ERC1: variants seen among roughly 807,000 people sequenced by gnomAD.
ERC1 encodes the protein ELKS/RAB6-interacting/CAST family member 1, also known as RAB6 interacting protein 2.
A neutral mutation model predicts 132.0 loss-of-function variants in ERC1; 56 were observed. That is an observed-to-expected ratio of 0.42 (90% CI 0.34 to 0.53). ERC1 has a LOEUF of 0.53. Ranked by LOEUF, ERC1 falls within the 20% of genes least tolerant of loss-of-function variation. ERC1 has a pLI of 0.03. For missense variants in ERC1, 1,202 were observed against 1,349.9 expected (o/e 0.89, Z 1.72); for synonymous variants, 478 against 476.1 (o/e 1.00, Z -0.05).
intron 7 of ERC1, among the ~76,000 whole-genome samples, chr12:1,137,556 G>A (rs938050859): frequency 6.6e-6 from 1 of 151,938 alleles, no homozygotes; most frequent in African/African-American, 2.4e-5. Context: ...ATAAAAGGGT[G>A]GGCAAAATAG....
intron 2 of ERC1, among the ~76,000 whole-genome samples, chr12:1,060,848 C>G (rs542153800): frequency 1.3e-5 from 2 of 152,120 alleles, no homozygotes; most frequent in East Asian, 3.9e-4. Context: ...GCCTCAGCCT[C>G]CTGAGTAGCT....
intron 2 of ERC1, among the ~76,000 whole-genome samples, chr12:1,062,444 G>T (rs1056065214): frequency 5.9e-5 from 9 of 151,704 alleles, no homozygotes; most frequent in East Asian, 1.9e-4. Context: ...TTCTATTTCG[G>T]TTTTTTTTCC....
chr12:1,307,022 A>G (rs1022610010), intron 15 of ERC1, among the ~76,000 whole-genome samples: 1 of 152,158 alleles, frequency 6.6e-6, no homozygotes, highest in Non-Finnish European at 1.5e-5. Context: ...GGAGCAAGTG[A>G]GGCCCTAGAG....
chr12:1,356,797 A>G (rs1231532101), intron 15 of ERC1, among the ~76,000 whole-genome samples: 1 of 152,224 alleles, frequency 6.6e-6, no homozygotes, highest in African/African-American at 2.4e-5. Flanking sequence ...AGGCATAGTC[A>G]TTGCCCATTC....
chr12:1,394,130 G>C (rs1268145535), intron 16 of ERC1, among the ~76,000 whole-genome samples: 1 of 151,206 alleles, frequency 6.6e-6, no homozygotes, highest in Non-Finnish European at 1.5e-5. Context: ...GCCGGGCACA[G>C]TGGCTCACAC....
At chr12:1,126,641 G>A (rs1200357474) in intron 7 of ERC1, among the ~76,000 whole-genome samples, 2 of 152,172 alleles carry the variant, frequency 1.3e-5, no homozygotes. Flanking sequence ...GAGATTGGGA[G>A]AAGAGTTTTT....
intron 16 of ERC1, chr12:1,380,022 A>G (rs2088449045): frequency 6.6e-6 from 1 of 152,102 alleles, no homozygotes; most frequent in Non-Finnish European, 1.5e-5. Flanking sequence ...AATACACACA[A>G]CAGGTTGGAT....
intron 15 of ERC1, among the ~76,000 whole-genome samples, chr12:1,322,391 C>G (rs921242294): frequency 6.6e-6 from 1 of 152,130 alleles, no homozygotes; most frequent in African/African-American, 2.4e-5. Flanking sequence ...AGAACTGAGA[C>G]TGGATCCATC....
intron 1 of ERC1, among the ~76,000 whole-genome samples, chr12:1,019,862 T>C (rs1592731794): frequency 6.6e-6 from 1 of 152,080 alleles, no homozygotes; most frequent in Admixed American, 6.6e-5. Flanking sequence ...CTGCCTCAGC[T>C]TCCTGAGTAG....
intron 13 of ERC1, among the ~76,000 whole-genome samples, chr12:1,258,376 T>C (rs2076940842): frequency 6.6e-6 from 1 of 152,216 alleles, no homozygotes. Flanking sequence ...AAATGTACTT[T>C]AGCATGTAAA....
chr12:1,381,755 T>G (rs932868617), intron 16 of ERC1, among the ~76,000 whole-genome samples: 1 of 152,196 alleles, frequency 6.6e-6, no homozygotes, highest in African/African-American at 2.4e-5. Context: ...CAGCTCAATC[T>G]CCACTTTAAA....
At chr12:1,157,261 T>C (rs1402684555) in intron 8 of ERC1, among the ~76,000 whole-genome samples, 2 of 152,178 alleles carry the variant, frequency 1.3e-5, no homozygotes, top group African/African-American at 4.8e-5. Context: ...CACACCACCA[T>C]GTCCAGCTAA....
At chr12:1,255,755 C>T (rs563540953) in intron 13 of ERC1, among the ~76,000 whole-genome samples, 72 of 151,042 alleles carry the variant, frequency 4.8e-4, no homozygotes, top group African/African-American at 1.7e-3. Context: ...GCCTCAGCCT[C>T]CCGAGTAGCT....
chr12:1,368,459 T>C (rs959559062), intron 15 of ERC1, among the ~76,000 whole-genome samples: 6 of 152,218 alleles, frequency 3.9e-5, no homozygotes, highest in Admixed American at 6.5e-5. Flanking sequence ...TGCTTTTTTT[T>C]CCACTGTGAA....
intron 13 of ERC1, among the ~76,000 whole-genome samples, chr12:1,255,953 G>A (rs1439131269): frequency 6.6e-6 from 1 of 152,030 alleles, no homozygotes. Flanking sequence ...ACAGGTGTGA[G>A]ATGGTATCTC....
intron 1 of ERC1, chr12:991,717 C>G (rs996001598): frequency 6.6e-6 from 1 of 152,088 alleles, no homozygotes; most frequent in Non-Finnish European, 1.5e-5. Context: ...CTAGTGAAGC[C>G]GCGGACGAGG....
chr12:1,152,407 A>G (rs117759283), intron 8 of ERC1: 5,955 of 152,562 alleles, frequency 0.039, 163 homozygotes, highest in Non-Finnish European at 0.06. Flanking sequence ...TCATGTGATT[A>G]ACAAGCAGAG....
At chr12:1,263,702 T>A (rs2077286931) in intron 14 of ERC1, among the ~76,000 whole-genome samples, 1 of 152,126 alleles carries the variant, frequency 6.6e-6, no homozygotes, top group Non-Finnish European at 1.5e-5. Context: ...ATTATTAATT[T>A]TTTTGAGACA....
chr12:1,365,209 G>A (rs563794067), intron 15 of ERC1, among the ~76,000 whole-genome samples: 1 of 152,214 alleles, frequency 6.6e-6, no homozygotes, highest in East Asian at 1.9e-4. Context: ...GAAAAACACA[G>A]CTCTTTCTTT....
Sources: gnomAD v4.1 joint callset for allele counts (sites outside exome capture counted in the v4.1 genomes callset) on GRCh38, gnomAD v4.1.1 for gene constraint, MANE v1.5 for transcripts, NCBI Gene and HGNC (gene_info 2026-07-23, HGNC 2026-07-21) for gene names.